The following TMPRSS7 variants were observed in gnomAD, a reference collection of about 807,000 sequenced individuals.
The protein encoded by TMPRSS7 is transmembrane serine protease 7, also known as transmembrane protease serine 7.
Under a neutral mutation model 95.6 loss-of-function variants are expected in TMPRSS7, and 81 were observed. The observed-to-expected ratio is 0.85, with a 90% CI of 0.71 to 1.02. The LOEUF (loss-of-function observed/expected upper bound fraction) is 1.02, where lower values mean the gene tolerates loss of function less well. TMPRSS7 is among the 50% of genes least tolerant of loss of function. TMPRSS7 has a pLI of 0.00. For missense variants in TMPRSS7, 945 were observed against 955.2 expected (o/e 0.99, Z 0.14); for synonymous variants, 364 against 337.8 (o/e 1.08, Z -0.85).
At chr3:112,049,764 G>A (rs2073322873) in intron 7 of TMPRSS7, 80 bp from the exon 8 acceptor site, 1 of 1,222,322 alleles carries the variant, frequency 8.2e-7, no homozygotes, top group Admixed American at 2.4e-5. Context: ...CCCAGGAAAT[G>A]TGTGGAATCG....
intron 5 of TMPRSS7, among the ~76,000 whole-genome samples, chr3:112,046,371 T>C (rs1402723048): frequency 6.6e-6 from 1 of 152,206 alleles, no homozygotes; most frequent in African/African-American, 2.4e-5. Flanking sequence ...CAAATGCAAA[T>C]TTCATTGTTT....
chr3:112,051,587 ATCTCTAT>A (rs2073352699), intron 9 of TMPRSS7, among the ~76,000 whole-genome samples: 3 of 148,082 alleles, frequency 2.0e-5, no homozygotes, highest in African/African-American at 7.7e-5. Flanking sequence ...ATCTATATCT[ATCTCTAT>A]TATCTATCTC....
chr3:112,048,174 T>G (rs1033630003), intron 7 of TMPRSS7, among the ~76,000 whole-genome samples: 1 of 152,174 alleles, frequency 6.6e-6, no homozygotes, highest in South Asian at 2.1e-4. Context: ...TTTCCACTTA[T>G]AGCAAATACT....
At chr3:112,053,030 T>A (rs938677307) in intron 9 of TMPRSS7, among the ~76,000 whole-genome samples, 1 of 152,182 alleles carries the variant, frequency 6.6e-6, no homozygotes, top group African/African-American at 2.4e-5. Context: ...GCTGTTGTCA[T>A]CTCTCAGAGA....
intron 13 of TMPRSS7, among the ~76,000 whole-genome samples, chr3:112,071,306 G>A (rs1012980382): frequency 2.0e-5 from 3 of 152,202 alleles, no homozygotes; most frequent in Non-Finnish European, 4.4e-5. Context: ...GGTTTCTGCC[G>A]AGAGATCCGC....
chr3:112,069,131 AT>A (rs1364044015), intron 13 of TMPRSS7, among the ~76,000 whole-genome samples: 1 of 152,070 alleles, frequency 6.6e-6, no homozygotes, highest in Non-Finnish European at 1.5e-5. Flanking sequence ...ATGTTTAGTG[AT>A]TTGTGTATGT....
At chr3:112,058,544 A>G (rs1339827632) in intron 10 of TMPRSS7, among the ~76,000 whole-genome samples, 1 of 152,276 alleles carries the variant, frequency 6.6e-6, no homozygotes, top group Non-Finnish European at 1.5e-5. Context: ...GCTATTATTA[A>G]TATGAATAAC....
chr3:112,063,094 C>A (rs2073531366), intron 11 of TMPRSS7, among the ~76,000 whole-genome samples: 1 of 152,314 alleles, frequency 6.6e-6, no homozygotes, highest in African/African-American at 2.4e-5. Context: ...TACAGGATAA[C>A]TCATCTGATC....
intron 1 of TMPRSS7, among the ~76,000 whole-genome samples, chr3:112,036,579 A>G (rs950896138): frequency 6.6e-6 from 1 of 151,294 alleles, no homozygotes; most frequent in Admixed American, 6.6e-5. Flanking sequence ...AAAAAAAAAA[A>G]GGAGGGGGGA....
At chr3:112,051,623 A>G (rs1254139030) in intron 9 of TMPRSS7, among the ~76,000 whole-genome samples, 1 of 121,202 alleles carries the variant, frequency 8.3e-6, no homozygotes, top group Non-Finnish European at 1.8e-5. Context: ...ATCTATCTCT[A>G]TCATCTATCT....
downstream of TMPRSS7, chr3:112,081,167 T>G: frequency 1.4e-6 from 2 of 1,389,362 alleles, no homozygotes; most frequent in Non-Finnish European, 2.0e-6. Flanking sequence ...GTGCGCTGGC[T>G]CACACCTGTA....
intron 2 of TMPRSS7, among the ~76,000 whole-genome samples, chr3:112,038,936 G>C (rs766232977): frequency 6.6e-6 from 1 of 152,086 alleles, no homozygotes; most frequent in Non-Finnish European, 1.5e-5. Flanking sequence ...GATTTTGACT[G>C]GTTCAGAAAT....
rs376396635 is a variant in TMPRSS7 at position 112,079,510 on chromosome 3, G to GA, written c.2361+636dup. On this transcript the variant is annotated intron_variant, in intron 17 of 17. Transcript: ENST00000452346. ...CCCAACACAAATTCACAAACTTTCTGAAAACATCATGAGATTTTTTTTTGC... is the reference window on the plus strand; with the variant it reads ...CCCAACACAAATTCACAAACTTTCTGAAAAACATCATGAGATTTTTTTTTGC... Among the ~76,000 whole-genome samples the GA allele has an allele frequency of 1.1e-3, 167 of 152,294 alleles. 2 individuals carry two copies. Among genetic ancestry groups the GA allele is most frequent in the Middle Eastern group, 0.01 (3 of 294 alleles).
chr3:112,042,082 A>T, intron 3 of TMPRSS7, 32 bp downstream of exon 3: 1 of 1,536,042 alleles, frequency 6.5e-7, no homozygotes, highest in Non-Finnish European at 8.8e-7. Context: ...GTATTAGGGT[A>T]GAGTGGGTTT....
chr3:112,045,467 G>T (rs2073266088), intron 4 of TMPRSS7, among the ~76,000 whole-genome samples: 1 of 152,194 alleles, frequency 6.6e-6, no homozygotes, highest in South Asian at 2.1e-4. Flanking sequence ...AATTTTAATG[G>T]CAGTGAATAC....
chr3:112,075,717 T>A (rs895059611), intron 15 of TMPRSS7, among the ~76,000 whole-genome samples: 2 of 152,136 alleles, frequency 1.3e-5, no homozygotes, highest in Non-Finnish European at 2.9e-5. Context: ...TTACTAAGGC[T>A]GGGAAAATAA....
Position 112,080,666 on chromosome 3 carries a change from C to T in TMPRSS7, c.2362-248C>T, listed in dbSNP as rs149120448. On this transcript the variant is annotated intron_variant, in intron 17 of 17. Coordinates refer to ENST00000452346, the Ensembl canonical transcript of TMPRSS7. ...GTTGTTTTCTCCAGTAAGAATCTTC[C>T]AGTGTTATTCTTAGCCTAAAGAATC... is the stretch of plus-strand genomic sequence containing the variant. Among the ~76,000 whole-genome samples the T allele has an allele frequency of 3.5e-4, 54 of 152,146 alleles. No homozygotes were observed. The East Asian group carries it at 9.6e-3, about 27-fold the overall frequency.
chr3:112,074,790 T>C (rs1210715822), intron 14 of TMPRSS7, among the ~76,000 whole-genome samples: 3 of 152,228 alleles, frequency 2.0e-5, no homozygotes, highest in African/African-American at 7.2e-5. Context: ...TAGGCCTGAC[T>C]CAATAACTAA....
Position 112,063,672 on chromosome 3 carries a change from A to C in TMPRSS7, c.1555+40A>C, listed in dbSNP as rs1036205717. 6 of 1,509,534 alleles carry C rather than the reference A, an allele frequency of 4.0e-6. No individual in the cohort carries two copies. The African/African-American group carries it at 8.3e-5, about 21-fold the overall frequency. 93.5% of individuals were successfully genotyped at this position (1,509,534 alleles called of 1,614,324 possible). ...TTTTAATATGACTTTCTTATGAATAAGTAACTTCTCAGGACCATGATTGCT... is the reference window on the plus strand; with the variant it reads ...TTTTAATATGACTTTCTTATGAATACGTAACTTCTCAGGACCATGATTGCT... On this transcript the variant is annotated intron_variant, in intron 12 of 17. Coordinates refer to ENST00000452346, the Ensembl canonical transcript of TMPRSS7.
Sources: gnomAD v4.1 joint callset for allele counts (sites outside exome capture counted in the v4.1 genomes callset) on GRCh38, gnomAD v4.1.1 for gene constraint, MANE v1.5 for transcripts, NCBI Gene and HGNC (gene_info 2026-07-23, HGNC 2026-07-21) for gene names.